FAS: variants seen among roughly 807,000 people sequenced by gnomAD.
FAS encodes Fas cell surface death receptor, also known as tumor necrosis factor receptor superfamily member 6.
FAS carries 5 observed loss-of-function variants against 33.2 expected under a neutral mutation model. The ratio of observed to expected loss-of-function variants is 0.15; its 90% CI spans 0.08 to 0.32. The LOEUF is 0.32. Among genes scored for constraint, FAS ranks in the 10% least tolerant of loss-of-function variants. The probability of loss-of-function intolerance (pLI) is 1.00; values close to 1 mark genes in which losing one functional copy is unlikely to be tolerated. For synonymous variants in FAS, 131 were observed against 130.7 expected (o/e 1.00, Z -0.01); for missense variants, 339 against 386.0 (o/e 0.88, Z 1.02).
chr10:88,999,230 C>T (rs1360082700), intron 1 of FAS, among the ~76,000 whole-genome samples: 1 of 151,930 alleles, frequency 6.6e-6, no homozygotes, highest in Admixed American at 6.6e-5. Flanking sequence ...CTCTCAAGTA[C>T]CCCTCTGCCT....
At chr10:89,011,958 A>C in intron 6 of FAS, 41 bp from the exon 7 acceptor site, 1 of 1,529,504 alleles carries the variant, frequency 6.5e-7, no homozygotes, top group Non-Finnish European at 9.1e-7. Flanking sequence ...GCATTCTACA[A>C]GGCTGAGACC....
upstream of FAS, among the ~76,000 whole-genome samples, chr10:88,983,625 A>T (rs919331859): frequency 1.6e-4 from 24 of 147,458 alleles, no homozygotes; most frequent in African/African-American, 5.7e-4. Context: ...AAAAAAAAAA[A>T]AAAAAAAAAA....
At chr10:89,007,596 C>CGGGGGGTT in intron 2 of FAS, 104 bp from the exon 3 acceptor site, 2 of 1,454,842 alleles carry the variant, frequency 1.4e-6, no homozygotes, top group Non-Finnish European at 1.9e-6. Context: ...CCCCCCTCCC[C>CGGGGGGTT]TTGTGTTTTA....
At chr10:88,966,856 G>A (rs1398298739) in intron 1 of FAS, among the ~76,000 whole-genome samples, 5 of 152,192 alleles carry the variant, frequency 3.3e-5, no homozygotes, top group Non-Finnish European at 7.4e-5. Flanking sequence ...TCAGATATTA[G>A]GTGTCAGGTG....
intron 2 of FAS, among the ~76,000 whole-genome samples, chr10:88,975,716 A>C (rs1846547558): frequency 6.6e-6 from 1 of 152,112 alleles, no homozygotes; most frequent in Non-Finnish European, 1.5e-5. Context: ...TTGGCCTCTT[A>C]ATAAATATTC....
intron 7 of FAS, among the ~76,000 whole-genome samples, 195 bp from the exon 8 acceptor site, chr10:89,013,148 G>A (rs1304135073): frequency 6.6e-6 from 1 of 152,042 alleles, no homozygotes; most frequent in Non-Finnish European, 1.5e-5. Flanking sequence ...TTCTGGCAAG[G>A]CCGGAACCTT....
At chr10:88,998,439 G>T (rs1847731864) in intron 1 of FAS, among the ~76,000 whole-genome samples, 1 of 151,828 alleles carries the variant, frequency 6.6e-6, no homozygotes, top group African/African-American at 2.4e-5. Flanking sequence ...AAGAGCTCTG[G>T]AAGTTGTATA....
rs1848743838 is a variant in FAS at position 89,015,256 on chromosome 10, A to C, written c.*806A>C. 1.9e-6 allele frequency: 1 copy of C among 534,730 alleles called. No individual in the cohort carries two copies. Among genetic ancestry groups the C allele is most frequent in the South Asian group, 1.5e-5 (1 of 65,176 alleles). The allele number at this position is 534,730 out of a possible 1,614,324, so 33.1% of individuals were successfully genotyped here. ...TGGCCTAATGCACCCCCAAACATGGAAATATCACCAAAAAATACTTAATAG... is the reference window on the plus strand; with the variant it reads ...TGGCCTAATGCACCCCCAAACATGGCAATATCACCAAAAAATACTTAATAG... On this transcript the variant is annotated 3_prime_UTR_variant, in exon 9 of 9. Coordinates refer to ENST00000652046, the MANE Select transcript of FAS (RefSeq NM_000043.6).
At chr10:88,984,043 C>T (rs557919099), upstream of FAS, among the ~76,000 whole-genome samples, 4 of 152,138 alleles carry the variant, frequency 2.6e-5, no homozygotes, top group African/African-American at 4.8e-5. Flanking sequence ...GGTAAAATGC[C>T]TCTTCCTACC....
intron 1 of FAS, among the ~76,000 whole-genome samples, chr10:88,995,317 G>T (rs1286808494): frequency 1.3e-5 from 2 of 152,164 alleles, no homozygotes; most frequent in Admixed American, 6.6e-5. Flanking sequence ...AAATCAGAGA[G>T]AAATTGACTT....
intron 2 of FAS, among the ~76,000 whole-genome samples, chr10:88,979,561 C>T (rs1589424098): frequency 6.6e-6 from 1 of 152,004 alleles, no homozygotes; most frequent in African/African-American, 2.4e-5. Context: ...GAGAGTCTCA[C>T]ACTAGGGCTG....
At position 89,015,084 on chromosome 10, in the gene FAS, A is replaced by C; in HGVS notation, c.*634A>C. The C allele has an allele frequency of 1.9e-6, 1 of 534,666 alleles. No individual in the cohort carries two copies. The highest frequency in any genetic ancestry group is 1.5e-5 in the South Asian group (1 of 65,130). 33.1% of individuals were successfully genotyped at this position (534,666 alleles called of 1,614,324 possible). On this transcript the variant is annotated 3_prime_UTR_variant, in exon 9 of 9. Transcript: ENST00000652046. ...TGTGAATTCACATAGAAAACATTAA[A>C]TTATAATGTTTGACTATTATATATG...
intron 4 of FAS, among the ~76,000 whole-genome samples, chr10:89,010,253 T>C (rs764713008): frequency 8.5e-5 from 13 of 152,246 alleles, no homozygotes; most frequent in Non-Finnish European, 1.5e-4. Context: ...GGTTTAAGTT[T>C]ATTTTTGTAT....
upstream of FAS, among the ~76,000 whole-genome samples, chr10:88,987,832 T>C (rs541873879): frequency 4.6e-5 from 7 of 152,360 alleles, no homozygotes; most frequent in African/African-American, 1.7e-4. Context: ...ATCTTAGATG[T>C]TTCTGTAAAG....
chr10:89,013,702 C>G (rs748133807), intron 8 of FAS, among the ~76,000 whole-genome samples: 1 of 152,102 alleles, frequency 6.6e-6, no homozygotes, highest in Non-Finnish European at 1.5e-5. Flanking sequence ...ATCAGTGTAC[C>G]CAACTCTATA....
At chr10:88,973,511 C>T in intron 2 of FAS, 1 of 543,394 alleles carries the variant, frequency 1.8e-6, no homozygotes, top group Non-Finnish European at 2.8e-6. Flanking sequence ...GATGTGAGGC[C>T]AGGTACCCTG....
Position 89,014,592 on chromosome 10 carries a change from A to G in FAS, c.*142A>G, listed in dbSNP as rs9658774. The G allele has an allele frequency of 5.7e-3, 4,727 of 834,088 alleles. 143 individuals carry two copies. The African/African-American group carries it at 0.069, about 12-fold the overall frequency. 51.7% of individuals were successfully genotyped at this position (834,088 alleles called of 1,614,324 possible). On this transcript the variant is annotated 3_prime_UTR_variant, in exon 9 of 9. Transcript: ENST00000652046. ...CGCTGAAGAGCCAACATATTTGTAG[A>G]TTTTTAATATCTCATGATTCTGCCT...
upstream of FAS, among the ~76,000 whole-genome samples, chr10:88,984,776 G>A (rs965160991): frequency 3.3e-5 from 5 of 152,154 alleles, no homozygotes; most frequent in African/African-American, 7.2e-5. Flanking sequence ...GTGAGAGAAA[G>A]AGAGAGAGAC....
chr10:88,986,810 G>A (rs970055486), upstream of FAS, among the ~76,000 whole-genome samples: 1 of 152,146 alleles, frequency 6.6e-6, no homozygotes, highest in Non-Finnish European at 1.5e-5. Flanking sequence ...GTGGTTGTAA[G>A]CCATTTAACT....
Sources: gnomAD v4.1 joint callset for allele counts (sites outside exome capture counted in the v4.1 genomes callset) on GRCh38, gnomAD v4.1.1 for gene constraint, MANE v1.5 for transcripts, NCBI Gene and HGNC (gene_info 2026-07-23, HGNC 2026-07-21) for gene names.